The following NR2F1-AS1 variants were observed in gnomAD, a reference collection of about 807,000 sequenced individuals.
The protein encoded by NR2F1-AS1 is NR2F1 antisense RNA 1.
chr5:93,568,279 C>CA (rs1752662317), intron 1 of NR2F1-AS1, among the ~76,000 whole-genome samples: 1 of 152,106 alleles, frequency 6.6e-6, no homozygotes, highest in African/African-American at 2.4e-5. Context: ...TACAAATAAA[C>CA]ATAATAAATG....
At chr5:93,522,097 G>A (rs191144896) in intron 4 of NR2F1-AS1, among the ~76,000 whole-genome samples, 9 of 152,224 alleles carry the variant, frequency 5.9e-5, no homozygotes, top group Admixed American at 2.0e-4. Flanking sequence ...CTTAGCAAAC[G>A]AATGCAGGAA....
rs185249592 is a variant in NR2F1-AS1 at position 93,542,231 on chromosome 5, C to G, written n.638+11530G>C. On this transcript the variant is annotated intron_variant and non_coding_transcript_variant, in intron 4 of 5. Coordinates refer to ENST00000660523, the Ensembl canonical transcript of NR2F1-AS1. ...GGAATGTAAAATTTGAAATAAATTACTTAGTATGAAATAAAACCTGTGAAA... is the reference window on the plus strand; with the variant it reads ...GGAATGTAAAATTTGAAATAAATTAGTTAGTATGAAATAAAACCTGTGAAA... 22 of 151,444 alleles carry G rather than the reference C, an allele frequency of 1.5e-4. No individual in the cohort carries two copies. The East Asian group carries it at 4.3e-3, about 29-fold the overall frequency. 9.4% of individuals were successfully genotyped at this position (151,444 alleles called of 1,614,324 possible). A position where few individuals can be genotyped will look rare whatever the true frequency, so the allele number is the denominator to read the frequency against.
intron 4 of NR2F1-AS1, among the ~76,000 whole-genome samples, chr5:93,526,096 G>A (rs976014092): frequency 7.2e-5 from 11 of 152,062 alleles, no homozygotes; most frequent in African/African-American, 2.2e-4. Context: ...TAACAAAATA[G>A]ATAGACTGCT....
chr5:93,569,738 C>G (rs1250505848), intron 1 of NR2F1-AS1, among the ~76,000 whole-genome samples: 46 of 152,224 alleles, frequency 3.0e-4, no homozygotes, highest in Admixed American at 3.0e-3. Context: ...TGAAAGAAAG[C>G]AGACCCCAGT....
chr5:93,581,934 GTCTC>G (rs1165830435), upstream of NR2F1-AS1, among the ~76,000 whole-genome samples: 11 of 63,922 alleles, frequency 1.7e-4, no homozygotes, highest in African/African-American at 2.6e-4. Flanking sequence ...CTCTCTCTGG[GTCTC>G]TCTCTCTCTC....
In NR2F1-AS1 at chr5:93,448,943, A is replaced by G. The variant is rs193149760; in HGVS notation, n.639-53401T>C. Among the ~76,000 whole-genome samples the G allele has an allele frequency of 8.3e-4, 126 of 152,350 alleles. 1 individual carries two copies. The highest frequency in any genetic ancestry group is 2.2e-4 in the Non-Finnish European group (15 of 68,034). ...CTGTGGTACAGTTAAATTGATACAT[A>G]AAATGAATAATCACAGTAGGTAGGT... On this transcript the variant is annotated intron_variant and non_coding_transcript_variant, in intron 4 of 5. Coordinates refer to ENST00000660523, the Ensembl canonical transcript of NR2F1-AS1.
At chr5:93,511,687 C>A (rs979187680) in intron 4 of NR2F1-AS1, among the ~76,000 whole-genome samples, 8 of 152,130 alleles carry the variant, frequency 5.3e-5, no homozygotes, top group African/African-American at 1.9e-4. Context: ...AACTGGGCCG[C>A]AAAGCAGGAG....
rs143218731 is a variant in NR2F1-AS1, at chr5:93,513,554, C to T, written n.638+40207G>A. Among the ~76,000 whole-genome samples, 1,275 of 152,136 alleles carry T rather than the reference C, an allele frequency of 8.4e-3. 20 individuals carry two copies. The highest frequency in any genetic ancestry group is 0.029 in the African/African-American group (1,211 of 41,518). On this transcript the variant is annotated intron_variant and non_coding_transcript_variant, in intron 4 of 5. Transcript: ENST00000660523. Reference sequence around the variant, plus strand: ...TATCCCAAGTGAATTAAGGCAGGAACAGAAAAACAAACACTATATATTCTC... The same window carrying T: ...TATCCCAAGTGAATTAAGGCAGGAATAGAAAAACAAACACTATATATTCTC...
chr5:93,474,990 C>G (rs55861967), intron 4 of NR2F1-AS1, among the ~76,000 whole-genome samples: 30,260 of 151,910 alleles, frequency 0.2, 4,524 homozygotes, highest in African/African-American at 0.42. Context: ...CAGGCATGGC[C>G]GTGTGTGCCT....
chr5:93,415,637 T>A (rs1489078382), intron 4 of NR2F1-AS1, among the ~76,000 whole-genome samples: 2 of 152,226 alleles, frequency 1.3e-5, no homozygotes, highest in African/African-American at 2.4e-5. Context: ...TTAACTTTTT[T>A]AAATGATCCA....
chr5:93,518,325 T>C (rs1317874449), intron 4 of NR2F1-AS1, among the ~76,000 whole-genome samples: 1 of 152,112 alleles, frequency 6.6e-6, no homozygotes, highest in Admixed American at 6.6e-5. Context: ...TTCAATGTTA[T>C]TAGACTGATG....
intron 4 of NR2F1-AS1, among the ~76,000 whole-genome samples, chr5:93,456,182 A>G (rs1749943662): frequency 6.6e-6 from 1 of 152,224 alleles, no homozygotes; most frequent in South Asian, 2.1e-4. Flanking sequence ...AATGTAAGGA[A>G]TCTACAAAAA....
In NR2F1-AS1 at chr5:93,416,761, T is replaced by C. The variant is rs188572217; in HGVS notation, n.639-21219A>G. 7.2e-5 allele frequency among the ~76,000 whole-genome samples: 11 copies of C among 152,314 alleles called. No individual in the cohort carries two copies. In the East Asian group the frequency reaches 2.1e-3, roughly 29 times the overall value. ...TTGTCTGACTCCAAAGCTCGTGCTC[T>C]TTACAATCACACCAAACTGCTAGGT... On this transcript the variant is annotated intron_variant and non_coding_transcript_variant, in intron 4 of 5. Coordinates refer to ENST00000660523, the Ensembl canonical transcript of NR2F1-AS1.
chr5:93,488,848 C>A (rs960994323), intron 4 of NR2F1-AS1, among the ~76,000 whole-genome samples: 5 of 152,120 alleles, frequency 3.3e-5, no homozygotes, highest in African/African-American at 1.2e-4. Context: ...AGAACCAACC[C>A]AAATGTCCAT....
upstream of NR2F1-AS1, among the ~76,000 whole-genome samples, chr5:93,582,271 TAA>T (rs752563970): frequency 0.033 from 4,277 of 130,928 alleles, 197 homozygotes; most frequent in African/African-American, 0.11. Context: ...AGCCAGGTGA[TAA>T]AAAAAAAAAA....
At chr5:93,475,607 C>A (rs978967773) in intron 4 of NR2F1-AS1, among the ~76,000 whole-genome samples, 1 of 152,130 alleles carries the variant, frequency 6.6e-6, no homozygotes, top group African/African-American at 2.4e-5. Flanking sequence ...TAATTCCTTT[C>A]GAATCTAGAG....
At chr5:93,474,996 T>C (rs1750450391) in intron 4 of NR2F1-AS1, among the ~76,000 whole-genome samples, 1 of 152,004 alleles carries the variant, frequency 6.6e-6, no homozygotes, top group Non-Finnish European at 1.5e-5. Context: ...TGGCCGTGTG[T>C]GCCTGTAGTC....
At chr5:93,451,595 G>T (rs943181955) in intron 4 of NR2F1-AS1, among the ~76,000 whole-genome samples, 7 of 152,014 alleles carry the variant, frequency 4.6e-5, no homozygotes, top group East Asian at 1.9e-4. Flanking sequence ...TAGAGGGGGG[G>T]TTCTGCCATG....
chr5:93,453,036 G>T (rs951137114), intron 4 of NR2F1-AS1, among the ~76,000 whole-genome samples: 5 of 151,916 alleles, frequency 3.3e-5, no homozygotes, highest in African/African-American at 9.7e-5. Context: ...AAGAGAAGTA[G>T]AACTGGCAGA....
Sources: allele counts gnomAD v4.1 joint callset (sites outside exome capture counted in the v4.1 genomes callset), GRCh38; gene constraint gnomAD v4.1.1; transcripts MANE v1.5; gene names NCBI Gene and HGNC (gene_info 2026-07-23, HGNC 2026-07-21).